LRGUK: variants seen among roughly 807,000 people sequenced by gnomAD.
The protein encoded by LRGUK is leucine rich repeats and guanylate kinase domain containing.
LRGUK carries 65 observed loss-of-function variants against 76.0 expected under a neutral mutation model. The observed-to-expected ratio is 0.85, with a 90% CI of 0.70 to 1.05. LRGUK has a LOEUF of 1.05. LRGUK is among the 50% of genes least tolerant of loss of function. LRGUK has a pLI of 0.00. For missense variants in LRGUK, 758 were observed against 732.8 expected (o/e 1.03, Z -0.40); for synonymous variants, 268 against 265.6 (o/e 1.01, Z -0.09).
intron 11 of LRGUK, 148 bp downstream of exon 11, chr7:134,184,001 G>GTTGTT: frequency 7.4e-6 from 8 of 1,086,794 alleles, no homozygotes; most frequent in Admixed American, 2.5e-5. Flanking sequence ...TAATATTTAA[G>GTTGTT]TTACACTTTA....
At chr7:134,181,341 A>G (rs1023822701) in intron 10 of LRGUK, among the ~76,000 whole-genome samples, 1 of 152,134 alleles carries the variant, frequency 6.6e-6, no homozygotes, top group African/African-American at 2.4e-5. Context: ...GTCTTTTGGC[A>G]TAAAACAAAA....
chr7:134,247,469 C>G (rs1222977005), intron 16 of LRGUK, 87 bp from the exon 17 acceptor site: 13 of 901,636 alleles, frequency 1.4e-5, no homozygotes, highest in East Asian at 2.6e-5. Context: ...TTGTCAATCT[C>G]TAGTACCAAA....
At chr7:134,199,312 A>C in exon 14 of LRGUK, 1 of 1,613,848 alleles carries the variant, frequency 6.2e-7, no homozygotes, top group Non-Finnish European at 8.5e-7. Context: ...ATTTGCGGAG[A>C]AAAGGATTAT....
chr7:134,261,509 G>A (rs1425073976), intron 19 of LRGUK, among the ~76,000 whole-genome samples: 1 of 152,020 alleles, frequency 6.6e-6, no homozygotes, highest in East Asian at 1.9e-4. Context: ...CTATGTCATA[G>A]TCACTGTCAA....
chr7:134,270,779 G>T, the LRGUK span, among the ~76,000 whole-genome samples: 2 of 151,846 alleles, frequency 1.3e-5, no homozygotes, highest in African/African-American at 4.8e-5. Flanking sequence ...CTTTTCTGTT[G>T]GTGAATGCTA....
At chr7:134,220,804 A>G (rs1801572214) in intron 15 of LRGUK, among the ~76,000 whole-genome samples, 1 of 151,948 alleles carries the variant, frequency 6.6e-6, no homozygotes, top group Admixed American at 6.6e-5. Context: ...TCCTGGGCTC[A>G]AGTGTTCTGC....
intron 5 of LRGUK, among the ~76,000 whole-genome samples, chr7:134,155,749 C>A (rs1162447067): frequency 2.0e-5 from 3 of 152,114 alleles, no homozygotes; most frequent in Non-Finnish European, 2.9e-5. Flanking sequence ...CATGACCTAA[C>A]TTTTGGCCTT....
At chr7:134,261,127 C>T (rs909252322) in intron 19 of LRGUK, among the ~76,000 whole-genome samples, 3 of 152,066 alleles carry the variant, frequency 2.0e-5, no homozygotes, top group African/African-American at 7.2e-5. Context: ...AATGTTTCCA[C>T]GGGACAATAA....
At chr7:134,176,253 T>G (rs1799474689) in intron 8 of LRGUK, among the ~76,000 whole-genome samples, 1 of 152,132 alleles carries the variant, frequency 6.6e-6, no homozygotes, top group Non-Finnish European at 1.5e-5. Flanking sequence ...AGTATCAGGA[T>G]AAATAGCTAA....
chr7:134,269,136 T>A (rs750403860), downstream of LRGUK, among the ~76,000 whole-genome samples: 1 of 152,128 alleles, frequency 6.6e-6, no homozygotes, highest in East Asian at 1.9e-4. Flanking sequence ...TTACTGAAAC[T>A]ATTCCAAACA....
chr7:134,208,715 G>A (rs968621076), exon 16 of LRGUK: 5 of 398,818 alleles, frequency 1.3e-5, no homozygotes, highest in Middle Eastern at 6.2e-4. Context: ...AGGAGCTCCC[G>A]CTAGCAAGAA....
chr7:134,191,322 G>A (rs564614716), intron 11 of LRGUK, among the ~76,000 whole-genome samples: 2 of 152,308 alleles, frequency 1.3e-5, no homozygotes, highest in East Asian at 1.9e-4. Context: ...GATTAAACAC[G>A]AAAGCAGGTG....
intron 1 of LRGUK, among the ~76,000 whole-genome samples, chr7:134,132,354 CA>C (rs997668401): frequency 6.7e-6 from 1 of 150,142 alleles, no homozygotes; most frequent in African/African-American, 2.5e-5. Flanking sequence ...GACCTTGTCT[CA>C]AAAAAATAAA....
chr7:134,213,889 T>C (rs1447050911), downstream of LRGUK, among the ~76,000 whole-genome samples: 1 of 152,202 alleles, frequency 6.6e-6, no homozygotes, highest in Non-Finnish European at 1.5e-5. Flanking sequence ...ATTTACAAGG[T>C]TCCTATCATT....
intron 11 of LRGUK, among the ~76,000 whole-genome samples, chr7:134,187,637 A>G (rs1800032110): frequency 1.3e-5 from 2 of 152,220 alleles, no homozygotes; most frequent in South Asian, 2.1e-4. Flanking sequence ...CTTTACCAGT[A>G]TTAGTTATGG....
chr7:134,204,732 T>A (rs1051483303), intron 15 of LRGUK, among the ~76,000 whole-genome samples: 1 of 152,214 alleles, frequency 6.6e-6, no homozygotes, highest in Admixed American at 6.5e-5. Flanking sequence ...ATGGTCCTTA[T>A]TAACACACAT....
At chr7:134,204,078 T>A (rs1585550942) in intron 15 of LRGUK, among the ~76,000 whole-genome samples, 1 of 152,286 alleles carries the variant, frequency 6.6e-6, no homozygotes, top group East Asian at 1.9e-4. Flanking sequence ...TGGATAAACA[T>A]GAATCAGTCC....
At chr7:134,236,051 C>A (rs1274904087) in intron 16 of LRGUK, among the ~76,000 whole-genome samples, 1 of 152,138 alleles carries the variant, frequency 6.6e-6, no homozygotes, top group Non-Finnish European at 1.5e-5. Flanking sequence ...CAATCTTCTA[C>A]CTCATATTTA....
At position 134,201,576 on chromosome 7, in the gene LRGUK, G is replaced by T; in HGVS notation, c.1843G>T (p.Gly615Ter). The change falls in exon 15 of 16, where the codon GGA becomes TGA. Residue 615 changes from glycine (G) to a stop codon, truncating the protein, a stop_gained and splice_region_variant. Coordinates refer to ENST00000645682, the Ensembl canonical transcript of LRGUK. LOFTEE classifies it low-confidence loss of function (END_TRUNC). ...TGCCAAGAGTTTGGCTACAACTGCA[G>T]GTACTATTCTATCATTTTTGTGCCA... is the stretch of plus-strand genomic sequence containing the variant. The T allele has an allele frequency of 6.2e-7, 1 of 1,602,842 alleles. No individual in the cohort carries two copies. Among genetic ancestry groups the T allele is most frequent in the South Asian group, 1.1e-5 (1 of 87,798 alleles).
Sources: allele counts gnomAD v4.1 joint callset (sites outside exome capture counted in the v4.1 genomes callset), GRCh38; gene constraint gnomAD v4.1.1; transcripts MANE v1.5; gene names NCBI Gene and HGNC (gene_info 2026-07-23, HGNC 2026-07-21).